HS3ST4: variants seen among roughly 807,000 people sequenced by gnomAD.
The protein encoded by HS3ST4 is heparan sulfate-glucosamine 3-sulfotransferase 4.
Under a neutral mutation model 29.2 loss-of-function variants are expected in HS3ST4, and 17 were observed. The observed-to-expected ratio is 0.58, with a 90% CI of 0.40 to 0.87. The LOEUF is 0.87. HS3ST4 is among the 40% of genes least tolerant of loss of function. The pLI, the probability that HS3ST4 is intolerant of heterozygous loss-of-function variation, is 0.00. For synonymous variants in HS3ST4, 314 were observed against 285.7 expected, an observed-to-expected ratio of 1.10 and a Z score of -1.00; for missense variants, 627 against 634.5, an observed-to-expected ratio of 0.99 and a Z score of 0.13.
chr16:25,897,096 A>G (rs1044108917), intron 1 of HS3ST4, among the ~76,000 whole-genome samples: 5 of 152,276 alleles, frequency 3.3e-5, no homozygotes, highest in Admixed American at 2.0e-4. Flanking sequence ...AAACCCCAGC[A>G]TTATGTAATA....
chr16:26,047,937 G>A (rs1567301376), intron 1 of HS3ST4, among the ~76,000 whole-genome samples: 1 of 152,206 alleles, frequency 6.6e-6, no homozygotes, highest in Non-Finnish European at 1.5e-5. Context: ...GGCACTCAGA[G>A]CAATGCTTGA....
At chr16:26,049,859 A>G (rs540175272) in intron 1 of HS3ST4, among the ~76,000 whole-genome samples, 2 of 152,248 alleles carry the variant, frequency 1.3e-5, no homozygotes, top group South Asian at 4.2e-4. Flanking sequence ...CTGGTTTATT[A>G]TAAAGGATGT....
chr16:26,035,014 G>T (rs1933665309), intron 1 of HS3ST4, among the ~76,000 whole-genome samples: 1 of 152,074 alleles, frequency 6.6e-6, no homozygotes, highest in African/African-American at 2.4e-5. Context: ...AACTGATTTT[G>T]ACCTCATCAT....
chr16:26,112,250 A>G (rs201342675), intron 1 of HS3ST4, among the ~76,000 whole-genome samples: 78 of 148,432 alleles, frequency 5.3e-4, no homozygotes, highest in Admixed American at 8.8e-4. Flanking sequence ...GTGTGTGTGT[A>G]TGTGTGTGTG....
At chr16:25,782,978 A>T (rs1021695516) in intron 1 of HS3ST4, among the ~76,000 whole-genome samples, 1 of 152,172 alleles carries the variant, frequency 6.6e-6, no homozygotes, top group Non-Finnish European at 1.5e-5. Context: ...CTTTCATTGT[A>T]ATCGGCATCT....
At chr16:26,019,515 T>G (rs1426383896) in intron 1 of HS3ST4, among the ~76,000 whole-genome samples, 1 of 150,900 alleles carries the variant, frequency 6.6e-6, no homozygotes, top group Non-Finnish European at 1.5e-5. Flanking sequence ...GCAATCAGAG[T>G]AAGAGGGCTG....
At chr16:26,133,910 T>A (rs886204896) in intron 1 of HS3ST4, among the ~76,000 whole-genome samples, 12 of 152,222 alleles carry the variant, frequency 7.9e-5, no homozygotes, top group African/African-American at 2.9e-4. Context: ...ATAGATTTAA[T>A]GGAGCACATG....
At chr16:25,752,031 G>C (rs946034765) in intron 1 of HS3ST4, among the ~76,000 whole-genome samples, 3 of 151,808 alleles carry the variant, frequency 2.0e-5, no homozygotes, top group Non-Finnish European at 4.4e-5. Flanking sequence ...TTAAACCTGG[G>C]ACTGTCTGAA....
chr16:25,872,182 C>T (rs1596597812), intron 1 of HS3ST4, among the ~76,000 whole-genome samples: 3 of 152,132 alleles, frequency 2.0e-5, no homozygotes, highest in South Asian at 2.1e-4. Context: ...AATCCCAGAG[C>T]GTGGTCAGCT....
chr16:25,984,740 T>G lies in HS3ST4; in HGVS notation c.735-150872T>G, dbSNP rs571678435. ...TCCACATTACCATGAATGACAGGAC[T>G]TCATACTTTTTTACAGCTGCATAGT... On this transcript the variant is annotated intron_variant, in intron 1 of 1. Transcript: ENST00000331351. 1.9e-4 allele frequency among the ~76,000 whole-genome samples: 29 copies of G among 152,342 alleles called. 1 individual carries two copies. Among genetic ancestry groups the G allele is most frequent in the African/African-American group, 7.0e-4 (29 of 41,570 alleles).
intron 1 of HS3ST4, among the ~76,000 whole-genome samples, chr16:25,721,253 T>C (rs11074710): frequency 0.75 from 113,838 of 152,020 alleles, 43,474 homozygotes; most frequent in East Asian, 0.87. Context: ...AATGTGCCTG[T>C]GGTGTGTGTT....
intron 1 of HS3ST4, among the ~76,000 whole-genome samples, chr16:25,818,388 A>G (rs1162974241): frequency 6.6e-6 from 1 of 152,170 alleles, no homozygotes; most frequent in Non-Finnish European, 1.5e-5. Context: ...CTTGCTAGAC[A>G]CTGAATCCAC....
At chr16:25,814,552 G>A (rs1244467329) in intron 1 of HS3ST4, among the ~76,000 whole-genome samples, 1 of 152,080 alleles carries the variant, frequency 6.6e-6, no homozygotes, top group Non-Finnish European at 1.5e-5. Context: ...TCACCATGTT[G>A]GTCAGGCTGG....
At chr16:25,886,581 A>G (rs73515345) in intron 1 of HS3ST4, among the ~76,000 whole-genome samples, 262 of 152,326 alleles carry the variant, frequency 1.7e-3, no homozygotes, top group African/African-American at 6.1e-3. Context: ...AGGGTGAGAA[A>G]GTTCTGCAAC....
chr16:25,752,844 T>C (rs1446381539), intron 1 of HS3ST4, among the ~76,000 whole-genome samples: 1 of 152,266 alleles, frequency 6.6e-6, no homozygotes, highest in Admixed American at 6.5e-5. Context: ...GCAGCTGTGC[T>C]GGGGCCCTGC....
chr16:25,921,446 C>T (rs1332702084), intron 1 of HS3ST4, among the ~76,000 whole-genome samples: 1 of 152,184 alleles, frequency 6.6e-6, no homozygotes, highest in African/African-American at 2.4e-5. Context: ...AAATAAGCCA[C>T]AAAGTCAGGC....
At chr16:25,860,768 T>G (rs545629113) in intron 1 of HS3ST4, among the ~76,000 whole-genome samples, 1 of 152,304 alleles carries the variant, frequency 6.6e-6, no homozygotes, top group South Asian at 2.1e-4. Flanking sequence ...ATGAAATTAC[T>G]CTGTATGATA....
chr16:25,967,811 C>T (rs573467729), intron 1 of HS3ST4, among the ~76,000 whole-genome samples: 2 of 152,204 alleles, frequency 1.3e-5, no homozygotes, highest in South Asian at 2.1e-4. Context: ...TCTGAGAGTT[C>T]CTGTGCCAGC....
chr16:25,869,117 T>A (rs1350053529), intron 1 of HS3ST4, among the ~76,000 whole-genome samples: 1 of 151,996 alleles, frequency 6.6e-6, no homozygotes, highest in Non-Finnish European at 1.5e-5. Flanking sequence ...AGGAGCTCAA[T>A]GAGAAATGGT....
Sources: allele counts gnomAD v4.1 joint callset (sites outside exome capture counted in the v4.1 genomes callset), GRCh38; gene constraint gnomAD v4.1.1; transcripts MANE v1.5; gene names NCBI Gene and HGNC (gene_info 2026-07-23, HGNC 2026-07-21).